The following ABI3BP variants were observed in gnomAD, a reference collection of about 807,000 sequenced individuals.
The protein encoded by ABI3BP is ABI family member 3 binding protein.
ABI3BP carries 216 observed loss-of-function variants against 268.6 expected under a neutral mutation model. That is an observed-to-expected ratio of 0.80 (90% confidence interval 0.72 to 0.90). The LOEUF (loss-of-function observed/expected upper bound fraction) is 0.90. Among genes scored for constraint, ABI3BP ranks in the 40% least tolerant of loss-of-function variants. The pLI, the probability that ABI3BP is intolerant of heterozygous loss-of-function variation, is 0.00. For synonymous variants in ABI3BP, 730 were observed against 730.0 expected (o/e 1.00, Z 0.00); for missense variants, 2,090 against 2,182.4 (o/e 0.96, Z 0.84).
In ABI3BP at chr3:100,842,006, G is replaced by C; in HGVS notation, c.1757C>G (p.Ser586Ter). The change falls in exon 21 of 68, where the codon TCA becomes TGA. Residue 586 changes from serine to a stop codon, truncating the protein, a stop_gained. Coordinates refer to ENST00000471714, the MANE Select transcript of ABI3BP (RefSeq NM_001375547.2). LOFTEE classifies it high-confidence loss of function. Reference sequence around the variant, plus strand: ...AAAAAAAGCTTTATTACCTATTGTTGACTGTGATGGCAGTAGAGTCTGAGG... The same window carrying C: ...AAAAAAAGCTTTATTACCTATTGTTCACTGTGATGGCAGTAGAGTCTGAGG... ...PEPQTLLPSQ[S>*]TIGPETPGTK... 3 of 1,533,224 alleles carry C rather than the reference G, an allele frequency of 2.0e-6. No homozygotes were observed. The highest frequency in any genetic ancestry group is 1.4e-5 in the African/African-American group (1 of 72,982). The allele number at this position is 1,533,224 out of a possible 1,614,324, so 95.0% of individuals were successfully genotyped here. A position where few individuals can be genotyped will look rare whatever the true frequency, so the allele number is the denominator to read the frequency against.
chr3:100,926,700 T>C lies in ABI3BP; in HGVS notation c.80-219A>G, dbSNP rs1340660687. On this transcript the variant is annotated intron_variant, in intron 1 of 67. Coordinates refer to ENST00000471714, the MANE Select transcript of ABI3BP (RefSeq NM_001375547.2). ...GTATATCTTACTGTTCAATACTTAG[T>C]AGTTTATTATTGGGCAGGTAGATGC... Among the ~76,000 whole-genome samples, 2 of 152,164 alleles carry C rather than the reference T, an allele frequency of 1.3e-5. 1 individual carries two copies. The highest frequency in any genetic ancestry group is 2.9e-5 in the Non-Finnish European group (2 of 68,024).
chr3:100,959,701 T>TA lies in ABI3BP; in HGVS notation c.80-33221dup, dbSNP rs773192454. Among the ~76,000 whole-genome samples the TA allele has an allele frequency of 1.3e-4, 19 of 151,608 alleles. 1 individual carries two copies. Among genetic ancestry groups the TA allele is most frequent in the Admixed American group, 5.3e-4 (8 of 15,216 alleles). The stretch of plus-strand genomic sequence containing the variant: ...GCTGAGGGTAGGATAGAACAGACAT[T>TA]AAAAAAAATACTCTCTGGTAAATCA... On this transcript the variant is annotated intron_variant, in intron 1 of 67. Transcript: ENST00000471714.
chr3:100,796,795 T>G (rs1407197659), intron 51 of ABI3BP, among the ~76,000 whole-genome samples: 1 of 152,110 alleles, frequency 6.6e-6, no homozygotes, highest in Non-Finnish European at 1.5e-5. Flanking sequence ...AGTCAGTTTT[T>G]GCACAAAGTG....
intron 1 of ABI3BP, among the ~76,000 whole-genome samples, chr3:100,975,416 G>C (rs1287186594): frequency 1.3e-5 from 2 of 152,068 alleles, no homozygotes; most frequent in South Asian, 4.1e-4. Flanking sequence ...GGGGAGATGG[G>C]CTGCTAAGGA....
intron 4 of ABI3BP, among the ~76,000 whole-genome samples, chr3:100,890,019 A>G (rs2083009): frequency 0.81 from 122,583 of 152,054 alleles, 49,927 homozygotes; most frequent in Non-Finnish European, 0.87. Flanking sequence ...TTCTAACAAA[A>G]TACCTGAGAC....
chr3:100,922,831 G>A (rs1465048766), intron 2 of ABI3BP, among the ~76,000 whole-genome samples: 2 of 152,156 alleles, frequency 1.3e-5, no homozygotes, highest in Non-Finnish European at 2.9e-5. Context: ...CAAATTTGTA[G>A]TAATTTGTTT....
intron 4 of ABI3BP, among the ~76,000 whole-genome samples, chr3:100,895,041 T>C (rs1366393316): frequency 6.9e-6 from 1 of 145,172 alleles, no homozygotes; most frequent in Non-Finnish European, 1.5e-5. Context: ...AAAGCTTTAA[T>C]ACGCTGGCAA....
At chr3:100,908,586 A>C (rs2054668007) in intron 2 of ABI3BP, among the ~76,000 whole-genome samples, 1 of 152,028 alleles carries the variant, frequency 6.6e-6, no homozygotes, top group Non-Finnish European at 1.5e-5. Context: ...AATGTGCAAA[A>C]ATCACAAGCG....
chr3:100,979,577 G>T (rs2153942993), intron 1 of ABI3BP, among the ~76,000 whole-genome samples: 1 of 152,128 alleles, frequency 6.6e-6, no homozygotes, highest in East Asian at 1.9e-4. Context: ...TCCCTTTGTG[G>T]CCTATCAACC....
intron 2 of ABI3BP, among the ~76,000 whole-genome samples, chr3:100,915,069 C>G (rs1042101087): frequency 1.8e-4 from 27 of 152,160 alleles, no homozygotes; most frequent in Non-Finnish European, 2.8e-4. Flanking sequence ...TCCACCATCT[C>G]TGTCTTGACC....
At chr3:100,834,652 G>A (rs1385352078) in intron 29 of ABI3BP, 32 bp downstream of exon 29, 4 of 1,527,582 alleles carry the variant, frequency 2.6e-6, no homozygotes, top group African/African-American at 2.7e-5. Flanking sequence ...CCAATGGGAT[G>A]CCACAGGGAC....
At chr3:100,820,343 C>T in intron 39 of ABI3BP, 40 bp from the exon 40 acceptor site, 1 of 1,479,724 alleles carries the variant, frequency 6.8e-7, no homozygotes, top group Non-Finnish European at 9.1e-7. Flanking sequence ...GAGTCCGTAG[C>T]TCCGAAGCTA....
intron 1 of ABI3BP, among the ~76,000 whole-genome samples, chr3:100,961,099 G>A (rs1257636501): frequency 1.3e-5 from 2 of 152,170 alleles, no homozygotes. Context: ...ACAACTCAAA[G>A]GCAGACTTTA....
intron 1 of ABI3BP, among the ~76,000 whole-genome samples, chr3:100,956,298 G>C (rs969985889): frequency 2.7e-5 from 4 of 150,288 alleles, no homozygotes; most frequent in African/African-American, 7.4e-5. Context: ...TACCACTGCT[G>C]TTTCTTGATA....
At chr3:100,806,455 A>T (rs923526185) in intron 50 of ABI3BP, among the ~76,000 whole-genome samples, 4 of 152,064 alleles carry the variant, frequency 2.6e-5, no homozygotes, top group Non-Finnish European at 5.9e-5. Context: ...ACATATACAC[A>T]CCTCCTTGAA....
intron 42 of ABI3BP, 147 bp downstream of exon 42, chr3:100,817,289 T>C (rs1678235788): frequency 1.8e-6 from 1 of 559,454 alleles, no homozygotes; most frequent in Non-Finnish European, 3.0e-6. Flanking sequence ...TACTCAAATA[T>C]AAAGTTGAAG....
chr3:100,843,599 GGA>G (rs1047675506), intron 20 of ABI3BP: 14 of 981,882 alleles, frequency 1.4e-5, no homozygotes, highest in South Asian at 9.5e-5. Flanking sequence ...TCTGGGAGAT[GGA>G]GAGAGAGAGG....
chr3:100,838,893 G>T (rs1453002483), intron 24 of ABI3BP, among the ~76,000 whole-genome samples: 1 of 152,252 alleles, frequency 6.6e-6, no homozygotes, highest in East Asian at 1.9e-4. Context: ...CATGGCTGCC[G>T]ATGTCTGGGA....
chr3:100,756,684 AT>A (rs2095635263), intron 63 of ABI3BP, among the ~76,000 whole-genome samples: 1 of 151,006 alleles, frequency 6.6e-6, no homozygotes, highest in Admixed American at 6.6e-5. Context: ...GCCAAGTCTG[AT>A]TGCTGGAATT....
Sources: allele counts gnomAD v4.1 joint callset (sites outside exome capture counted in the v4.1 genomes callset), GRCh38; gene constraint gnomAD v4.1.1; transcripts MANE v1.5; gene names NCBI Gene and HGNC (gene_info 2026-07-23, HGNC 2026-07-21).